Variants in FGFR3 observed in about 807,000 individuals in gnomAD.
The protein encoded by FGFR3 is fibroblast growth factor receptor 3.
FGFR3 carries 25 observed loss-of-function variants against 82.9 expected under a neutral mutation model. The ratio of observed to expected loss-of-function variants is 0.30; its 90% CI spans 0.22 to 0.42. The LOEUF (loss-of-function observed/expected upper bound fraction) is 0.42, where lower values mean the gene tolerates loss of function less well. Among genes scored for constraint, FGFR3 ranks in the 10% least tolerant of loss-of-function variants. FGFR3 has a pLI of 1.00. For synonymous variants in FGFR3, 620 were observed against 516.0 expected, an observed-to-expected ratio of 1.20 and a Z score of -2.73; for missense variants, 1,026 against 1,161.0, an observed-to-expected ratio of 0.88 and a Z score of 1.69.
At position 1,806,316 on chromosome 4, in the gene FGFR3, C is replaced by G. The variant is rs751098892; in HGVS notation, c.2019C>G (p.His673Gln). 1 of 1,613,032 alleles carries G rather than the reference C, an allele frequency of 6.2e-7. No homozygotes were observed. The highest frequency in any genetic ancestry group is 8.5e-7 in the Non-Finnish European group (1 of 1,179,950). Residue 673 changes from histidine to glutamine, a missense_variant, in exon 15 of 18, where the codon CAC becomes CAG. Transcript: ENST00000440486. Reference protein sequence around the residue: ...PEALFDRVYTHQSDVWSFGVL... With the variant: ...PEALFDRVYTQQSDVWSFGVL... ...CCTTGTTTGACCGAGTCTACACTCACCAGAGTGACGTGTACGTGTCCTGCA... is the reference window on the plus strand; with the variant it reads ...CCTTGTTTGACCGAGTCTACACTCAGCAGAGTGACGTGTACGTGTCCTGCA...
intron 7 of FGFR3, among the ~76,000 whole-genome samples, chr4:1,803,463 G>A (rs916072995): frequency 6.6e-6 from 1 of 152,240 alleles, no homozygotes; most frequent in Admixed American, 6.5e-5. Flanking sequence ...CCCGCCTGCC[G>A]CTCACCTGGG....
chr4:1,806,356 G>A (rs1225256649), intron 15 of FGFR3, 29 bp downstream of exon 15: 3 of 1,612,404 alleles, frequency 1.9e-6, no homozygotes, highest in Non-Finnish European at 1.7e-6. Context: ...TCAGGCTTCA[G>A]GGGTGGAGGC....
In FGFR3 at chr4:1,799,758, T is replaced by C. The variant is rs951384304; in HGVS notation, c.391T>C (p.Ser131Pro). 10 of 1,612,840 alleles carry C rather than the reference T, an allele frequency of 6.2e-6. No individual in the cohort carries two copies. The highest frequency in any genetic ancestry group is 1.3e-5 in the African/African-American group (1 of 74,912). Residue 131 changes from serine to proline, a missense_variant, in exon 4 of 18, where the codon TCG (serine) becomes CCG (proline). Physicochemically the swap from Ser to Pro is moderately conservative, Grantham distance 74 (BLOSUM62 -1). Transcript: ENST00000440486. ...FSVRVTDAPS[S>P]GDDEDGEDEA... Reference sequence around the variant, plus strand: ...TCTCTGCCTTGCAGACGCTCCATCCTCGGGAGATGACGAAGACGGGGAGGA... The same window carrying C: ...TCTCTGCCTTGCAGACGCTCCATCCCCGGGAGATGACGAAGACGGGGAGGA...
At chr4:1,794,460 G>C (rs1202279024) in intron 2 of FGFR3, among the ~76,000 whole-genome samples, 2 of 152,112 alleles carry the variant, frequency 1.3e-5, no homozygotes, top group African/African-American at 4.8e-5. Context: ...TTCGGCCAAG[G>C]CGAGAGACCG....
At chr4:1,805,510 G>C (rs767681350) in intron 11 of FGFR3, 34 bp downstream of exon 11, 4 of 1,612,342 alleles carry the variant, frequency 2.5e-6, no homozygotes, top group African/African-American at 1.3e-5. Context: ...GCAGAGCAGG[G>C]CTGGGGGCGC....
chr4:1,808,576 TG>T lies in FGFR3; in HGVS notation c.*1315del, dbSNP rs1722253675. The T allele has an allele frequency of 4.3e-6, 1 of 230,758 alleles. No individual in the cohort carries two copies. The highest frequency in any genetic ancestry group is 6.1e-5 in the East Asian group (1 of 16,324). The allele number at this position is 230,758 out of a possible 1,614,324, so 14.3% of individuals were successfully genotyped here. On this transcript the variant is annotated 3_prime_UTR_variant, in exon 18 of 18. Transcript: ENST00000440486. ...TATAATTTATTGAGTTTTTACAAGA[TG>T]TATTTGTTGTAGACTTAACACTTCT...
chr4:1,793,319 G>C lies in FGFR3; in HGVS notation c.-249G>C, dbSNP rs1421227031. 1 of 147,122 alleles carries C rather than the reference G, an allele frequency of 6.8e-6. No homozygotes were observed. The highest frequency in any genetic ancestry group is 1.5e-5 in the Non-Finnish European group (1 of 66,152). 9.1% of individuals were successfully genotyped at this position (147,122 alleles called of 1,614,324 possible). On this transcript the variant is annotated 5_prime_UTR_variant, in exon 1 of 18. Transcript: ENST00000440486. ...GTGCGCGGTGGCGGCGGCGTCGCGG[G>C]CAGCTGGCGCCGCGCGGTCCTGCTC...
Position 1,799,462 on chromosome 4 carries a change from C to T in FGFR3, c.318C>T (p.Ala106=), listed in dbSNP as rs1720929517. 6.3e-7 allele frequency: 1 copy of T among 1,599,692 alleles called. No individual in the cohort carries two copies. Among genetic ancestry groups the T allele is most frequent in the Admixed American group, 1.7e-5 (1 of 57,760 alleles). Residue 106 remains alanine, a synonymous_variant, in exon 3 of 18, where the codon GCC becomes GCT. Transcript: ENST00000440486. ...ATGCCTCCCACGAGGACTCCGGGGC[C>T]TACAGCTGCCGGCAGCGGCTCACGC... The part of the protein sequence containing the change: ...VLNASHEDSG[A]YSCRQRLTQR...
At position 1,795,305 on chromosome 4, in the gene FGFR3, C is replaced by T. The variant is rs1211006122; in HGVS notation, c.109+1262C>T. On this transcript the variant is annotated intron_variant, in intron 2 of 17. Coordinates refer to ENST00000440486, the MANE Select transcript of FGFR3 (RefSeq NM_000142.5). Reference sequence around the variant, plus strand: ...TCTCATTCAGATAAAGATATTACTCCCTACGGCCCGGGAATGTCAGCCAGC... The same window carrying T: ...TCTCATTCAGATAAAGATATTACTCTCTACGGCCCGGGAATGTCAGCCAGC... Among the ~76,000 whole-genome samples the T allele has an allele frequency of 2.6e-5, 4 of 152,018 alleles. No homozygotes were observed. The South Asian group carries it at 6.2e-4, about 24-fold the overall frequency.
chr4:1,799,406 C>G lies in FGFR3; in HGVS notation c.262C>G (p.Leu88Val), dbSNP rs1441248056. ...AGGGCTGGTGCCCTCGGAGCGTGTC[C>G]TGGTGGGGCCCCAGCGGCTGCAGGT... is the stretch of plus-strand genomic sequence containing the variant. ...GTGLVPSERV[L>V]VGPQRLQVLN... Residue 88 changes from leucine to valine, a missense_variant, in exon 3 of 18, where the codon CTG becomes GTG. Leu to Val is a conservative substitution (Grantham distance 32). Transcript: ENST00000440486. 6.2e-7 allele frequency: 1 copy of G among 1,611,996 alleles called. No individual in the cohort carries two copies. Among genetic ancestry groups the G allele is most frequent in the Non-Finnish European group, 8.5e-7 (1 of 1,179,644 alleles).
chr4:1,807,025 G>T (rs561201164), intron 17 of FGFR3, 91 bp downstream of exon 17: 1 of 1,551,410 alleles, frequency 6.4e-7, no homozygotes, highest in Non-Finnish European at 8.7e-7. Flanking sequence ...TGAGGTGTGG[G>T]GCGGGCCTTC....
chr4:1,799,370 A>C lies in FGFR3; in HGVS notation c.226A>C (p.Lys76Gln). 6.2e-7 allele frequency: 1 copy of C among 1,612,560 alleles called. No homozygotes were observed. The highest frequency in any genetic ancestry group is 8.5e-7 in the Non-Finnish European group (1 of 1,179,884). ...TCCCATGGGGCCCACTGTCTGGGTCAAGGATGGCACAGGGCTGGTGCCCTC... is the reference window on the plus strand; with the variant it reads ...TCCCATGGGGCCCACTGTCTGGGTCCAGGATGGCACAGGGCTGGTGCCCTC... ...GGPMGPTVWVKDGTGLVPSER... is the reference protein window; with the variant it reads ...GGPMGPTVWVQDGTGLVPSER... The change falls in exon 3 of 18, where the codon AAG becomes CAG. Residue 76 changes from lysine to glutamine, a missense_variant. Physicochemically the swap from Lys to Gln is moderately conservative, Grantham distance 53. Transcript: ENST00000440486.
rs1722176020 is a variant in FGFR3, at chr4:1,807,925, G to A, written c.*663G>A. The A allele has an allele frequency of 3.7e-6, 1 of 269,036 alleles. No individual in the cohort carries two copies. The highest frequency in any genetic ancestry group is 4.9e-5 in the Admixed American group (1 of 20,350). The allele number at this position is 269,036 out of a possible 1,614,324, so 16.7% of individuals were successfully genotyped here. A position where few individuals can be genotyped will look rare whatever the true frequency, so the allele number is the denominator to read the frequency against. ...TACATATATATATATAACATATATG[G>A]AAGAGGAAAAGGCTGGTACAACGGA... is the stretch of plus-strand genomic sequence containing the variant. On this transcript the variant is annotated 3_prime_UTR_variant, in exon 18 of 18. Coordinates refer to ENST00000440486, the MANE Select transcript of FGFR3 (RefSeq NM_000142.5).
At chr4:1,798,367 T>C (rs964763437) in intron 2 of FGFR3, among the ~76,000 whole-genome samples, 8 of 151,738 alleles carry the variant, frequency 5.3e-5, no homozygotes, top group Non-Finnish European at 8.8e-5. Flanking sequence ...CCGGCCCCCT[T>C]GAGGGCCCGC....
rs550366128 is a variant in FGFR3 at position 1,803,173 on chromosome 4, C to T, written c.931-519C>T. 180 of 1,279,610 alleles carry T rather than the reference C, an allele frequency of 1.4e-4. 1 individual carries two copies. Among genetic ancestry groups the T allele is most frequent in the South Asian group, 2.6e-4 (14 of 53,566 alleles). 79.3% of individuals were successfully genotyped at this position (1,279,610 alleles called of 1,614,324 possible). ...AGCCCTGCTCGCTCCCGCCCCGGCT[C>T]GCGCTCCACTCGGGGCCGCCTCGGC... On this transcript the variant is annotated intron_variant, in intron 7 of 17. Transcript: ENST00000440486.
At position 1,807,190 on chromosome 4, in the gene FGFR3, A is replaced by AG; in HGVS notation, c.2353dup (p.Asp785GlyfsTer32). On this transcript the variant is annotated frameshift_variant, in exon 18 of 18. Transcript: ENST00000440486. LOFTEE classifies it low-confidence loss of function (END_TRUNC). ...AGGACACCCCCAGCTCCAGCTCCTC[A>AG]GGGGACGACTCCGTGTTTGCCCACG... 1.2e-6 allele frequency: 2 copies of AG among 1,607,126 alleles called. No homozygotes were observed. The highest frequency in any genetic ancestry group is 1.7e-6 in the Non-Finnish European group (2 of 1,177,486).
At chr4:1,794,065 A>G in intron 2 of FGFR3, 22 bp downstream of exon 2, 2 of 1,326,066 alleles carry the variant, frequency 1.5e-6, no homozygotes, top group South Asian at 1.9e-5. Flanking sequence ...CCCACTAGGC[A>G]CGGGAGAGGC....
rs2108772439 is a variant in FGFR3, at chr4:1,799,279, G to A, written c.135G>A (p.Gln45=). The change falls in exon 3 of 18, where the codon CAG becomes CAA. Residue 45 remains glutamine, a synonymous_variant. Transcript: ENST00000440486. ...AAGTCCCGGGCCCAGAGCCCGGCCA[G>A]CAGGAGCAGTTGGTCTTCGGCAGCG... ...AAEVPGPEPG[Q]QEQLVFGSGD... 1 of 1,612,714 alleles carries A rather than the reference G, an allele frequency of 6.2e-7. No individual in the cohort carries two copies. Among genetic ancestry groups the A allele is most frequent in the South Asian group, 1.1e-5 (1 of 91,088 alleles).
chr4:1,801,914 C>T lies in FGFR3; in HGVS notation c.819C>T (p.Phe273=). The change falls in exon 7 of 18, where the codon TTC becomes TTT. Residue 273 remains phenylalanine, a synonymous_variant. Transcript: ENST00000440486. ...QTAVLGSDVE[F]HCKVYSDAQP... is the part of the protein sequence containing the mutation. Reference sequence around the variant, plus strand: ...CGGTGCTGGGCAGCGACGTGGAGTTCCACTGCAAGGTGTACAGTGACGCAC... The same window carrying T: ...CGGTGCTGGGCAGCGACGTGGAGTTTCACTGCAAGGTGTACAGTGACGCAC... The T allele has an allele frequency of 6.2e-7, 1 of 1,612,496 alleles. No homozygotes were observed. The highest frequency in any genetic ancestry group is 2.2e-5 in the East Asian group (1 of 44,860).
Sources: allele counts gnomAD v4.1 joint callset (sites outside exome capture counted in the v4.1 genomes callset), GRCh38; gene constraint gnomAD v4.1.1; transcripts MANE v1.5; gene names NCBI Gene and HGNC (gene_info 2026-07-23, HGNC 2026-07-21).